Variants in NYAP2 observed in about 807,000 individuals in gnomAD.
The protein encoded by NYAP2 is neuronal tyrosine-phosphorylated phosphoinositide-3-kinase adapter 2.
Under a neutral mutation model 50.4 loss-of-function variants are expected in NYAP2, and 23 were observed. The observed-to-expected ratio is 0.46, with a 90% CI of 0.33 to 0.65. The LOEUF is 0.65. Ranked by LOEUF, NYAP2 falls within the 30% of genes least tolerant of loss-of-function variation. The probability of loss-of-function intolerance (pLI) is 0.02; values close to 1 mark genes in which losing one functional copy is unlikely to be tolerated. For synonymous variants in NYAP2, 394 were observed against 365.2 expected (o/e 1.08, Z -0.90); for missense variants, 885 against 861.0 (o/e 1.03, Z -0.35).
At chr2:225,566,276 A>T (rs184803309) in intron 4 of NYAP2, among the ~76,000 whole-genome samples, 105 of 152,322 alleles carry the variant, frequency 6.9e-4, no homozygotes, top group African/African-American at 2.5e-3. Context: ...ATGAAGTTGG[A>T]TGAAATGTTT....
At chr2:225,431,100 A>C (rs1285620939) in intron 3 of NYAP2, among the ~76,000 whole-genome samples, 1 of 152,182 alleles carries the variant, frequency 6.6e-6, no homozygotes, top group Admixed American at 6.5e-5. Context: ...AAATATCTCT[A>C]AAAAATAAAA....
At chr2:225,639,359 A>T (rs1693484293) in intron 6 of NYAP2, among the ~76,000 whole-genome samples, 1 of 152,220 alleles carries the variant, frequency 6.6e-6, no homozygotes, top group Non-Finnish European at 1.5e-5. Context: ...TGTTTAAAAT[A>T]ATGTCTTATT....
At chr2:225,639,333 T>C (rs1693484117) in intron 6 of NYAP2, among the ~76,000 whole-genome samples, 1 of 152,256 alleles carries the variant, frequency 6.6e-6, no homozygotes, top group Non-Finnish European at 1.5e-5. Context: ...ATTACCTTTG[T>C]GGGTTATCTG....
chr2:225,651,622 G>C, exon 7 of NYAP2: 2 of 1,596,120 alleles, frequency 1.3e-6, no homozygotes, highest in South Asian at 2.2e-5. Flanking sequence ...TGTTGCTGTA[G>C]ACAACTTTCG....
chr2:225,607,060 T>C (rs2106245184), intron 5 of NYAP2, among the ~76,000 whole-genome samples: 1 of 152,268 alleles, frequency 6.6e-6, no homozygotes, highest in Non-Finnish European at 1.5e-5. Flanking sequence ...ACACTTCTCA[T>C]CAAACATCAT....
intron 3 of NYAP2, among the ~76,000 whole-genome samples, chr2:225,412,761 A>T (rs1695068465): frequency 6.6e-6 from 1 of 152,138 alleles, no homozygotes; most frequent in African/African-American, 2.4e-5. Flanking sequence ...TGGGTCTAGG[A>T]TAAGTTCTAG....
chr2:225,592,963 C>A (rs981430711), intron 5 of NYAP2, among the ~76,000 whole-genome samples: 1 of 152,092 alleles, frequency 6.6e-6, no homozygotes, highest in Non-Finnish European at 1.5e-5. Flanking sequence ...TTATTTAAAC[C>A]AAGATTCCCT....
chr2:225,651,745 G>C, exon 7 of NYAP2: 2 of 681,202 alleles, frequency 2.9e-6, no homozygotes, highest in Non-Finnish European at 4.8e-6. Flanking sequence ...GATTGGTGGT[G>C]AAACTTTCTT....
chr2:225,546,308 G>A (rs150974851), intron 4 of NYAP2, among the ~76,000 whole-genome samples: 1 of 152,140 alleles, frequency 6.6e-6, no homozygotes, highest in African/African-American at 2.4e-5. Flanking sequence ...ATCAAGAGAT[G>A]CCACACGGGA....
intron 4 of NYAP2, among the ~76,000 whole-genome samples, chr2:225,517,688 T>A (rs141114556): frequency 1.3e-5 from 2 of 152,222 alleles, no homozygotes; most frequent in East Asian, 3.9e-4. Flanking sequence ...CCTTATTGAA[T>A]CACCACTTCT....
At chr2:225,466,557 T>G (rs1053524142) in intron 3 of NYAP2, among the ~76,000 whole-genome samples, 5 of 152,222 alleles carry the variant, frequency 3.3e-5, no homozygotes, top group Non-Finnish European at 7.3e-5. Context: ...GAGTGGAGAC[T>G]GCAGGAGTTA....
At chr2:225,454,162 C>T (rs1689699100) in intron 3 of NYAP2, among the ~76,000 whole-genome samples, 1 of 151,724 alleles carries the variant, frequency 6.6e-6, no homozygotes, top group Admixed American at 6.6e-5. Context: ...TATCTGCACA[C>T]AAAAAATTAA....
At chr2:225,542,036 A>T (rs900449118) in intron 4 of NYAP2, among the ~76,000 whole-genome samples, 2 of 152,036 alleles carry the variant, frequency 1.3e-5, no homozygotes, top group African/African-American at 4.8e-5. Flanking sequence ...TTTTATTTGT[A>T]GCTATTATAA....
intron 4 of NYAP2, among the ~76,000 whole-genome samples, chr2:225,515,493 A>G (rs1361502073): frequency 6.7e-6 from 1 of 150,150 alleles, no homozygotes; most frequent in Non-Finnish European, 1.5e-5. Flanking sequence ...GTGTGTGTGT[A>G]TAACTGTTAT....
chr2:225,436,739 C>CA lies in NYAP2; in HGVS notation c.221+27658dup, dbSNP rs755609110. Among the ~76,000 whole-genome samples, 662 of 109,400 alleles carry CA rather than the reference C, an allele frequency of 6.1e-3. 3 individuals carry two copies. Among genetic ancestry groups the CA allele is most frequent in the East Asian group, 0.033 (107 of 3,290 alleles). The allele number at this position is 109,400 out of a possible 152,430, so 71.8% of individuals were successfully genotyped here. On this transcript the variant is annotated intron_variant, in intron 3 of 6. Transcript: ENST00000636099. ...CTCTGATAGTTTTCTTCTGTATAGTCAAAAAAAAAAAAAAAAAAAAGAGAG... is the reference window on the plus strand; with the variant it reads ...CTCTGATAGTTTTCTTCTGTATAGTCAAAAAAAAAAAAAAAAAAAAAGAGAG...
chr2:225,629,335 TG>T (rs1478800551), intron 6 of NYAP2, among the ~76,000 whole-genome samples: 1 of 152,132 alleles, frequency 6.6e-6, no homozygotes, highest in African/African-American at 2.4e-5. Context: ...TAGGTGAGGG[TG>T]ATTTTCTTTA....
At chr2:225,466,410 A>C (rs917878094) in intron 3 of NYAP2, among the ~76,000 whole-genome samples, 3 of 152,294 alleles carry the variant, frequency 2.0e-5, no homozygotes, top group East Asian at 1.9e-4. Context: ...GGACTACTTA[A>C]GTGAAAACAT....
intron 4 of NYAP2, among the ~76,000 whole-genome samples, chr2:225,561,421 G>C (rs1048504268): frequency 1.3e-5 from 2 of 152,100 alleles, no homozygotes; most frequent in African/African-American, 2.4e-5. Context: ...CACAAAAGAT[G>C]AAGTTGGAAG....
intron 3 of NYAP2, among the ~76,000 whole-genome samples, chr2:225,460,463 G>A (rs2106153486): frequency 6.6e-6 from 1 of 152,278 alleles, no homozygotes; most frequent in Non-Finnish European, 1.5e-5. Context: ...TTCATGCTGG[G>A]AGGTGGGTAA....
Sources: allele counts gnomAD v4.1 joint callset (sites outside exome capture counted in the v4.1 genomes callset), GRCh38; gene constraint gnomAD v4.1.1; transcripts MANE v1.5; gene names NCBI Gene and HGNC (gene_info 2026-07-23, HGNC 2026-07-21).